MTG1: variants seen among roughly 807,000 people sequenced by gnomAD.
The protein encoded by MTG1 is mitochondrial ribosome-associated GTPase 1.
A neutral mutation model predicts 39.5 loss-of-function variants in MTG1; 30 were observed. The ratio of observed to expected loss-of-function variants is 0.76; its 90% confidence interval spans 0.57 to 1.03. MTG1 has a LOEUF of 1.03. Ranked by LOEUF, MTG1 falls within the 50% of genes least tolerant of loss-of-function variation. MTG1 has a pLI of 0.00. For missense variants in MTG1, 513 were observed against 447.4 expected (o/e 1.15, Z -1.32); for synonymous variants, 217 against 179.0 (o/e 1.21, Z -1.69).
At chr10:133,396,927 CAG>C (rs1286536272) in intron 3 of MTG1, among the ~76,000 whole-genome samples, 1 of 152,110 alleles carries the variant, frequency 6.6e-6, no homozygotes, top group Non-Finnish European at 1.5e-5. Flanking sequence ...GCGGTAGCGT[CAG>C]TGTCAAGGAA....
At chr10:133,396,862 T>G (rs1373699169) in intron 3 of MTG1, among the ~76,000 whole-genome samples, 1 of 152,236 alleles carries the variant, frequency 6.6e-6, no homozygotes, top group Admixed American at 6.5e-5. Context: ...CTCCTTGGTC[T>G]AGCGGTAACG....
Position 133,401,607 on chromosome 10 carries a change from C to T in MTG1, c.573+17C>T. On this transcript the variant is annotated intron_variant, in intron 7 of 10. Transcript: ENST00000317502. Reference sequence around the variant, plus strand: ...AAAATTCAGGTGGAGTCCTCAGGGGCCAGGCCCAGCACTCTGTCAAGAGCT... The same window carrying T: ...AAAATTCAGGTGGAGTCCTCAGGGGTCAGGCCCAGCACTCTGTCAAGAGCT... The T allele has an allele frequency of 6.2e-7, 1 of 1,613,230 alleles. No homozygotes were observed. The highest frequency in any genetic ancestry group is 8.5e-7 in the Non-Finnish European group (1 of 1,179,468).
At chr10:133,407,513 A>G (rs1208434636) in intron 9 of MTG1, among the ~76,000 whole-genome samples, 1 of 150,054 alleles carries the variant, frequency 6.7e-6, no homozygotes, top group African/African-American at 2.4e-5. Flanking sequence ...CTTTGGTCAG[A>G]TGTATTCCTA....
rs113351293 is a variant in MTG1 at position 133,398,260 on chromosome 10, C to T, written c.283-175C>T. Among the ~76,000 whole-genome samples, 860 of 152,232 alleles carry T rather than the reference C, an allele frequency of 5.6e-3. 10 individuals carry two copies. Among genetic ancestry groups the T allele is most frequent in the African/African-American group, 0.019 (808 of 41,514 alleles). ...CCAGTGAATTCAAAAATTATCTGGG[C>T]GTGGTGGCGCATGCCTGTAATCCCT... On this transcript the variant is annotated intron_variant, in intron 3 of 10. Transcript: ENST00000317502.
intron 7 of MTG1, chr10:133,401,841 C>T (rs987458402): frequency 1.5e-6 from 1 of 658,838 alleles, no homozygotes; most frequent in African/African-American, 1.8e-5. Context: ...TGTCCAGGGC[C>T]ATGCAGTGGT....
chr10:133,415,938 C>A (rs1186425671), intron 9 of MTG1, among the ~76,000 whole-genome samples: 1 of 144,268 alleles, frequency 6.9e-6, no homozygotes, highest in African/African-American at 2.5e-5. Flanking sequence ...ACGTGGGTAT[C>A]AGGCACGCAG....
intron 3 of MTG1, among the ~76,000 whole-genome samples, chr10:133,397,429 G>A (rs957008011): frequency 7.0e-6 from 1 of 142,568 alleles, no homozygotes; most frequent in Non-Finnish European, 1.5e-5. Flanking sequence ...GGTGGTAGTG[G>A]TCCCCCAGGC....
At chr10:133,412,938 T>TC (rs1264700608) in intron 9 of MTG1, among the ~76,000 whole-genome samples, 4 of 152,254 alleles carry the variant, frequency 2.6e-5, no homozygotes, top group Admixed American at 6.5e-5. Flanking sequence ...TTCTTGCTGT[T>TC]CAGTCAGTTT....
intron 5 of MTG1, 151 bp from the exon 6 acceptor site, chr10:133,399,378 C>A: frequency 1.7e-6 from 2 of 1,190,686 alleles, no homozygotes; most frequent in Non-Finnish European, 2.5e-6. Flanking sequence ...AGGGCCGAGG[C>A]CGTCCCCGCT....
intron 9 of MTG1, among the ~76,000 whole-genome samples, chr10:133,415,311 T>C (rs546496218): frequency 3.3e-5 from 5 of 152,372 alleles, no homozygotes; most frequent in Non-Finnish European, 7.3e-5. Context: ...TTTACTTCTG[T>C]CTGAAGGATT....
At chr10:133,415,974 G>GGCGGGTGTCGGGCAGGCGGGTGTCGGCAC (rs1850121334) in intron 9 of MTG1, among the ~76,000 whole-genome samples, 18 of 132,886 alleles carry the variant, frequency 1.4e-4, no homozygotes, top group Admixed American at 5.7e-4. Flanking sequence ...GTGTCGGGCA[G>GGCGGGTGTCGGGCAGGCGGGTGTCGGCAC]GCGGGTGTCG....
chr10:133,403,557 ACTCGG>A (rs1310196139), intron 9 of MTG1, among the ~76,000 whole-genome samples: 7 of 152,166 alleles, frequency 4.6e-5, no homozygotes, highest in African/African-American at 1.7e-4. Flanking sequence ...TTGATCTGTC[ACTCGG>A]CACGATTGTT....
In MTG1 at chr10:133,421,200, C is replaced by G. The variant is rs1445993318; in HGVS notation, c.*1035C>G. The G allele has an allele frequency of 6.6e-6, 1 of 152,582 alleles. No homozygotes were observed. The highest frequency in any genetic ancestry group is 2.4e-5 in the African/African-American group (1 of 41,448). 9.5% of individuals were successfully genotyped at this position (152,582 alleles called of 1,614,324 possible). ...GCCCCATACCCCACACACTCATCAG[C>G]CTGAAGTTAGCCCCTGAGTGCCACC... On this transcript the variant is annotated 3_prime_UTR_variant, in exon 11 of 11. Coordinates refer to ENST00000317502, the MANE Select transcript of MTG1 (RefSeq NM_138384.4).
Position 133,402,369 on chromosome 10 carries a change from C to G in MTG1, c.670+124C>G. 1 of 1,145,094 alleles carries G rather than the reference C, an allele frequency of 8.7e-7. No individual in the cohort carries two copies. 70.9% of individuals were successfully genotyped at this position (1,145,094 alleles called of 1,614,324 possible). ...TTACTGCCTTTGACCTGGTTGCTGC[C>G]AGACCTTCCTCGAAGCTTAGTGTGA... On this transcript the variant is annotated intron_variant, in intron 8 of 10. Coordinates refer to ENST00000317502, the MANE Select transcript of MTG1 (RefSeq NM_138384.4). The surrounding 1 kb of genome is among the most constrained non-coding windows in gnomAD (Gnocchi z 4.7).
At chr10:133,396,874 C>T (rs1849790871) in intron 3 of MTG1, among the ~76,000 whole-genome samples, 1 of 152,184 alleles carries the variant, frequency 6.6e-6, no homozygotes, top group African/African-American at 2.4e-5. Flanking sequence ...GCGGTAACGC[C>T]AGTGTCTGGG....
intron 9 of MTG1, among the ~76,000 whole-genome samples, chr10:133,404,129 C>CTTTTTTTTTT (rs57165977): frequency 8.8e-5 from 8 of 91,172 alleles, no homozygotes; most frequent in Non-Finnish European, 1.4e-4. Context: ...AAGTTTTAAT[C>CTTTTTTTTTT]TTTTTTTTTT....
At chr10:133,398,006 G>C (rs1033967202) in intron 3 of MTG1, among the ~76,000 whole-genome samples, 2 of 152,150 alleles carry the variant, frequency 1.3e-5, no homozygotes, top group Non-Finnish European at 2.9e-5. Context: ...CTGCCTCCCT[G>C]AGCAGGGACA....
At chr10:133,404,696 T>C (rs1564820544) in intron 9 of MTG1, among the ~76,000 whole-genome samples, 1 of 152,214 alleles carries the variant, frequency 6.6e-6, no homozygotes, top group Non-Finnish European at 1.5e-5. Flanking sequence ...AGGGCTATGA[T>C]CCTTTCTGAT....
At chr10:133,415,450 C>T (rs191804708) in intron 9 of MTG1, among the ~76,000 whole-genome samples, 75 of 152,142 alleles carry the variant, frequency 4.9e-4, no homozygotes, top group Admixed American at 2.0e-3. Context: ...TCCAGATTGA[C>T]GGGGTTTTTT....
Sources: gnomAD v4.1 joint callset for allele counts (sites outside exome capture counted in the v4.1 genomes callset) on GRCh38, gnomAD v4.1.1 for gene constraint, Gnocchi (gnomAD v3.1) non-coding constraint, MANE v1.5 for transcripts, NCBI Gene and HGNC (gene_info 2026-07-23, HGNC 2026-07-21) for gene names.